Variants in TTLL8 observed in about 807,000 individuals in gnomAD.
TTLL8 encodes the protein tubulin tyrosine ligase like 8, also known as protein monoglycylase TTLL8.
TTLL8 carries 65 observed loss-of-function variants against 77.8 expected under a neutral mutation model. The ratio of observed to expected loss-of-function variants is 0.84; its 90% CI spans 0.68 to 1.03. The LOEUF (loss-of-function observed/expected upper bound fraction) is 1.03, where lower values mean the gene tolerates loss of function less well. TTLL8 is among the 50% of genes least tolerant of loss of function. The pLI is 0.00. For synonymous variants in TTLL8, 402 were observed against 422.8 expected (o/e 0.95, Z 0.60); for missense variants, 910 against 1,004.5 (o/e 0.91, Z 1.27).
chr22:50,049,724 T>C (rs137912), intron 2 of TTLL8, among the ~76,000 whole-genome samples: 138,965 of 152,194 alleles, frequency 0.91, 63,661 homozygotes, highest in African/African-American at 0.98. Flanking sequence ...GCCAAGAGGA[T>C]GCAGACACAG....
chr22:50,028,095 A>AG (rs1356827867), intron 12 of TTLL8, among the ~76,000 whole-genome samples: 3 of 152,250 alleles, frequency 2.0e-5, no homozygotes, highest in Non-Finnish European at 4.4e-5. Flanking sequence ...TTGAATCAAC[A>AG]GTCATCTGCG....
At chr22:50,050,546 C>G (rs945466709) in intron 1 of TTLL8, among the ~76,000 whole-genome samples, 1 of 152,042 alleles carries the variant, frequency 6.6e-6, no homozygotes, top group East Asian at 1.9e-4. Flanking sequence ...ACCACTACTA[C>G]TCCTGCTGCC....
chr22:50,041,937 T>C lies in TTLL8; in HGVS notation c.644-130A>G. The C allele has an allele frequency of 1.2e-6, 1 of 811,010 alleles. No individual in the cohort carries two copies. Among genetic ancestry groups the C allele is most frequent in the Non-Finnish European group, 1.7e-6 (1 of 597,948 alleles). The allele number at this position is 811,010 out of a possible 1,614,324, so 50.2% of individuals were successfully genotyped here. On this transcript the variant is annotated intron_variant, in intron 6 of 13. Transcript: ENST00000266182. This position sits in a 1 kb window ranked among gnomAD's most constrained non-coding sequence, Gnocchi z 4.3. ...CCTCTGTGCCCCAATACCCAACAAGTATCCCAGATCCCCAGACAGGCACCC... is the reference window on the plus strand; with the variant it reads ...CCTCTGTGCCCCAATACCCAACAAGCATCCCAGATCCCCAGACAGGCACCC...
chr22:50,046,823 G>A (rs1020086245), intron 4 of TTLL8, among the ~76,000 whole-genome samples: 7 of 152,210 alleles, frequency 4.6e-5, no homozygotes, highest in Non-Finnish European at 7.4e-5. Context: ...GGGAGTGCCC[G>A]GTGCTGGGGG....
upstream of TTLL8, among the ~76,000 whole-genome samples, chr22:50,055,969 G>T (rs1398694026): frequency 6.6e-6 from 1 of 152,208 alleles, no homozygotes; most frequent in Non-Finnish European, 1.5e-5. Context: ...AGGTCATAAA[G>T]ACCGTGTTGA....
At position 50,044,352 on chromosome 22, in the gene TTLL8, A is replaced by G. The variant is rs368880714; in HGVS notation, c.643+903T>C. ...AAAACATTAATTAGGAGGCCATCAGATGAGGTGGCCCAAGTGACCTGGTCT... is the reference window on the plus strand; with the variant it reads ...AAAACATTAATTAGGAGGCCATCAGGTGAGGTGGCCCAAGTGACCTGGTCT... On this transcript the variant is annotated intron_variant, in intron 6 of 13. Transcript: ENST00000266182. This position sits in a 1 kb window ranked among gnomAD's most constrained non-coding sequence, Gnocchi z 4.2. Among the ~76,000 whole-genome samples the G allele has an allele frequency of 9.9e-5, 15 of 152,242 alleles. No individual in the cohort carries two copies. In the East Asian group the frequency reaches 2.9e-3, roughly 29 times the overall value.
At chr22:50,046,106 T>C in intron 4 of TTLL8, 136 bp from the exon 7 acceptor site, 9 of 671,916 alleles carry the variant, frequency 1.3e-5, no homozygotes, top group South Asian at 3.6e-5. Context: ...GGCGGATCCC[T>C]CCCCCTCCCC....
chr22:50,029,402 G>C, intron 12 of TTLL8, among the ~76,000 whole-genome samples: 1 of 103,132 alleles, frequency 9.7e-6, no homozygotes, highest in Non-Finnish European at 2.1e-5. Context: ...ACACCATCCT[G>C]AAGACCCCAC....
chr22:50,036,597 C>G (rs1444816706), intron 8 of TTLL8, among the ~76,000 whole-genome samples: 2 of 148,808 alleles, frequency 1.3e-5, no homozygotes, highest in African/African-American at 4.9e-5. Flanking sequence ...TCTTTCTTTT[C>G]TTTTCTTTTT....
rs146846158 is a variant in TTLL8, at chr22:50,041,625, C to T, written c.826G>A (p.Val276Ile). 1.9e-4 allele frequency: 262 copies of T among 1,355,720 alleles called. 1 individual carries two copies. The African/African-American group carries it at 2.7e-3, about 14-fold the overall frequency. The allele number at this position is 1,355,720 out of a possible 1,614,324, so 84.0% of individuals were successfully genotyped here. The change falls in exon 7 of 14, where the codon GTT (valine) becomes ATT (isoleucine). Residue 276 changes from valine (V) to isoleucine (I), a missense_variant. By Grantham distance (29) the Val-to-Ile change is conservative (BLOSUM62 3). Transcript: ENST00000266182. This position sits in a 1 kb window ranked among gnomAD's most constrained non-coding sequence, Gnocchi z 4.3. ...AGGGGCCTGCGTAAGTCTTACTGAA[C>T]GAGGGAGTAGTACTGCTGGGTCAGG...
At chr22:50,029,640 A>C (rs936037153) in intron 12 of TTLL8, among the ~76,000 whole-genome samples, 2 of 152,080 alleles carry the variant, frequency 1.3e-5, no homozygotes, top group African/African-American at 4.8e-5. Context: ...CTGAGGCAGG[A>C]GAATGGCGCG....
chr22:50,053,043 GAA>G (rs2061452155), intron 1 of TTLL8, among the ~76,000 whole-genome samples: 1 of 152,124 alleles, frequency 6.6e-6, no homozygotes, highest in South Asian at 2.1e-4. Context: ...CCAACATGGT[GAA>G]ACCCCGTCTC....
intron 1 of TTLL8, among the ~76,000 whole-genome samples, chr22:50,054,407 C>CCTCCCTCTCCTGGG (rs201973400): frequency 1.3e-5 from 2 of 152,050 alleles, no homozygotes; most frequent in African/African-American, 4.8e-5. Context: ...AAAGGTAAGG[C>CCTCCCTCTCCTGGG]CTCCCTCTCC....
exon 11 of TTLL8, chr22:50,032,087 C>T (rs11101958): frequency 0.18 from 242,875 of 1,362,716 alleles, 22,580 homozygotes; most frequent in Admixed American, 0.33. Context: ...TTCTGGACGG[C>T]GTTGTTGCAC....
chr22:50,022,371 TA>T (rs2146624886), intron 12 of TTLL8, among the ~76,000 whole-genome samples: 1 of 143,774 alleles, frequency 7.0e-6, no homozygotes, highest in African/African-American at 2.6e-5. Flanking sequence ...TGATGATGTG[TA>T]CTACTCCATC....
chr22:50,021,367 A>T (rs1433170572), intron 12 of TTLL8, among the ~76,000 whole-genome samples: 1 of 119,436 alleles, frequency 8.4e-6, no homozygotes, highest in Admixed American at 9.1e-5. Flanking sequence ...TCTGACATGC[A>T]CTCCTCCATC....
At position 50,044,090 on chromosome 22, in the gene TTLL8, C is replaced by T. The variant is rs1044147138; in HGVS notation, c.643+1165G>A. Among the ~76,000 whole-genome samples, 18 of 152,088 alleles carry T rather than the reference C, an allele frequency of 1.2e-4. No homozygotes were observed. The highest frequency in any genetic ancestry group is 9.2e-4 in the Admixed American group (14 of 15,264). ...CTGTAATCCCAGCACTGTGGGAGGC[C>T]GAGGTGGGCGGATCACCTGAAGTCA... is the stretch of plus-strand genomic sequence containing the variant. On this transcript the variant is annotated intron_variant, in intron 6 of 13. Transcript: ENST00000266182. This position sits in a 1 kb window ranked among gnomAD's most constrained non-coding sequence, Gnocchi z 4.2.
At chr22:50,056,142 G>A (rs1029256565), upstream of TTLL8, among the ~76,000 whole-genome samples, 6 of 152,168 alleles carry the variant, frequency 3.9e-5, no homozygotes, top group African/African-American at 1.4e-4. The surrounding 1 kb of genome is among the most constrained non-coding windows in gnomAD (Gnocchi z 4.1). Flanking sequence ...AAGGAAGCAT[G>A]AAGTGACTGA....
intron 12 of TTLL8, among the ~76,000 whole-genome samples, chr22:50,020,527 C>T (rs920584979): frequency 6.7e-6 from 1 of 150,220 alleles, no homozygotes; most frequent in Non-Finnish European, 1.5e-5. Flanking sequence ...ACTCCTCCAT[C>T]TGATGATGTG....
Sources: gnomAD v4.1 joint callset for allele counts (sites outside exome capture counted in the v4.1 genomes callset) on GRCh38, gnomAD v4.1.1 for gene constraint, Gnocchi (gnomAD v3.1) non-coding constraint, MANE v1.5 for transcripts, NCBI Gene and HGNC (gene_info 2026-07-23, HGNC 2026-07-21) for gene names.